Variants in SLC25A45 observed in about 807,000 individuals in gnomAD.
The protein encoded by SLC25A45 is solute carrier family 25 member 45, also known as methylated amino-acid transporter SLC25A45.
A neutral mutation model predicts 23.0 loss-of-function variants in SLC25A45; 22 were observed. The ratio of observed to expected loss-of-function variants is 0.95; its 90% CI spans 0.68 to 1.36. The LOEUF is 1.36. Among genes scored for constraint, SLC25A45 ranks in the 40% most tolerant of loss-of-function variants. The pLI, the probability that SLC25A45 is intolerant of heterozygous loss-of-function variation, is 0.00. For missense variants in SLC25A45, 355 were observed against 383.5 expected (o/e 0.93, Z 0.62); for synonymous variants, 136 against 155.0 (o/e 0.88, Z 0.91).
intron 5 of SLC25A45, chr11:65,377,458 C>A: frequency 9.9e-7 from 1 of 1,014,480 alleles, no homozygotes; most frequent in Non-Finnish European, 1.2e-6. Flanking sequence ...AAGGATTCAG[C>A]CTGTGACTGT....
upstream of SLC25A45, chr11:65,383,192 C>G (rs1412567156): frequency 7.2e-5 from 11 of 152,896 alleles, no homozygotes; most frequent in Admixed American, 7.2e-4. Context: ...AGCTCCTAGT[C>G]TCCCATGGGG....
chr11:65,379,373 C>CA lies in SLC25A45; in HGVS notation c.339+2dup. On this transcript the variant is annotated splice_region_variant and intron_variant, in intron 5 of 6. Transcript: ENST00000398802. ...TGTGTGTGCCCACTCACTGCCCCCT[C>CA]ACCTGCAGGAACCCCCCGGTGCAGC... 7 of 1,607,922 alleles carry CA rather than the reference C, an allele frequency of 4.4e-6. No individual in the cohort carries two copies. The highest frequency in any genetic ancestry group is 5.9e-6 in the Non-Finnish European group (7 of 1,179,848).
At chr11:65,377,139 T>A in intron 5 of SLC25A45, 63 bp from the exon 6 acceptor site, 1 of 1,548,532 alleles carries the variant, frequency 6.5e-7, no homozygotes. Context: ...GCCCCTTATA[T>A]TCACAAGAGG....
At chr11:65,380,284 C>T (rs1855480830) in intron 2 of SLC25A45, 109 bp from the exon 3 acceptor site, 1 of 1,505,592 alleles carries the variant, frequency 6.6e-7, no homozygotes, top group South Asian at 1.1e-5. Context: ...AGAGCAGGGC[C>T]ATCTCAGACA....
At chr11:65,383,574 A>G (rs940515256), upstream of SLC25A45, 1 of 152,342 alleles carries the variant, frequency 6.6e-6, no homozygotes, top group Non-Finnish European at 1.5e-5. Flanking sequence ...CCTGACCAAC[A>G]TAGTGAAACC....
rs766991047 is a variant in SLC25A45, at chr11:65,377,063, G to A, written c.353C>T (p.Ala118Val). ...TGGFLQAYCL[A>V]PFDLIKVRLQ... is the part of the protein sequence containing the mutation. ...CCGGACTTTGATGAGGTCAAAAGGA[G>A]CCAGACAGTAGGCCTGTTGGTGATG... The change falls in exon 6 of 7, where the codon GCT (alanine) becomes GTT (valine). Residue 118 changes from alanine to valine, a missense_variant. Transcript: ENST00000398802. 1 of 1,613,706 alleles carries A rather than the reference G, an allele frequency of 6.2e-7. No individual in the cohort carries two copies. Among genetic ancestry groups the A allele is most frequent in the South Asian group, 1.1e-5 (1 of 91,050 alleles).
chr11:65,382,077 G>C lies in SLC25A45; in HGVS notation c.-18-108C>G. The C allele has an allele frequency of 1.1e-6, 1 of 880,140 alleles. No individual in the cohort carries two copies. Among genetic ancestry groups the C allele is most frequent in the South Asian group, 1.4e-5 (1 of 71,436 alleles). The allele number at this position is 880,140 out of a possible 1,614,324, so 54.5% of individuals were successfully genotyped here. ...TAACCCTGGCGGGAAGGTGAGAATT[G>C]GCCTGGTGCCCAGACCTCCGGCAAC... is the stretch of plus-strand genomic sequence containing the variant. On this transcript the variant is annotated intron_variant, in intron 1 of 6. Transcript: ENST00000398802. This position sits in a 1 kb window ranked among gnomAD's most constrained non-coding sequence, Gnocchi z 4.4.
At position 65,375,257 on chromosome 11, in the gene SLC25A45, A is replaced by G. The variant is rs995396438; in HGVS notation, c.*1150T>C. ...ACCAGGCTCAGGCTGGAAACCATCC[A>G]AAGCGCAATCCCTGACCTCAGGCAG... On this transcript the variant is annotated 3_prime_UTR_variant, in exon 7 of 7. Coordinates refer to ENST00000398802, the MANE Select transcript of SLC25A45 (RefSeq NM_182556.4). 1.3e-5 allele frequency: 2 copies of G among 152,464 alleles called. No individual in the cohort carries two copies. Among genetic ancestry groups the G allele is most frequent in the East Asian group, 1.9e-4 (1 of 5,194 alleles). 9.4% of individuals were successfully genotyped at this position (152,464 alleles called of 1,614,324 possible).
At chr11:65,380,210 C>T (rs1301873626) in intron 2 of SLC25A45, 35 bp from the exon 3 acceptor site, 1 of 1,614,008 alleles carries the variant, frequency 6.2e-7, no homozygotes, top group Admixed American at 1.7e-5. Flanking sequence ...AGTGAGGGCC[C>T]TCGTGCCAGG....
chr11:65,380,445 A>G, intron 2 of SLC25A45: 4 of 1,110,146 alleles, frequency 3.6e-6, no homozygotes, highest in Non-Finnish European at 5.1e-6. Flanking sequence ...GAGCCAGCCA[A>G]AGACGTACGT....
In SLC25A45 at chr11:65,379,485, T is replaced by C. The variant is rs749936962; in HGVS notation, c.230A>G (p.Tyr77Cys). 3.6e-5 allele frequency: 58 copies of C among 1,614,004 alleles called. No individual in the cohort carries two copies. Among genetic ancestry groups the C allele is most frequent in the Non-Finnish European group, 4.8e-5 (57 of 1,179,994 alleles). The change falls in exon 5 of 7, where the codon TAT (tyrosine) becomes TGT (cysteine). Residue 77 changes from tyrosine (Y) to cysteine (C), a missense_variant. Transcript: ENST00000398802. Reference protein sequence around the residue: ...AVVNSVLFGVYSNTLLVLTAT... With the variant: ...AVVNSVLFGVCSNTLLVLTAT... ...CGTGAGCACCAGCAGGGTGTTGCTATAGACCCCAAACAGGACAGAGTTGAC... is the reference window on the plus strand; with the variant it reads ...CGTGAGCACCAGCAGGGTGTTGCTACAGACCCCAAACAGGACAGAGTTGAC...
chr11:65,380,262 G>T (rs1855479137), intron 2 of SLC25A45, 87 bp from the exon 3 acceptor site: 2 of 1,594,648 alleles, frequency 1.3e-6, no homozygotes, highest in East Asian at 2.2e-5. Context: ...AGGGGTTCAG[G>T]CAGGAGGAAG....
At position 65,376,922 on chromosome 11, in the gene SLC25A45, C is replaced by A. The variant is rs752698975; in HGVS notation, c.494G>T (p.Arg165Leu). 4 of 1,613,404 alleles carry A rather than the reference C, an allele frequency of 2.5e-6. No individual in the cohort carries two copies. The highest frequency in any genetic ancestry group is 1.1e-5 in the South Asian group (1 of 91,058). Residue 165 changes from arginine to leucine, a missense_variant, in exon 6 of 7, where the codon CGA becomes CTA. Arg to Leu is a moderately radical substitution (Grantham distance 102, BLOSUM62 -2). Coordinates refer to ENST00000398802, the MANE Select transcript of SLC25A45 (RefSeq NM_182556.4). The part of the protein sequence containing the change: ...FREEGPRGLF[R>L]GAWALTLRDT... ...CCTCAGCGTCAGGGCCCAGGCTCCT[C>A]GGAACAGCCCCCGGGGCCCCTCCTC...
At chr11:65,380,089 C>T (rs1213048817) in intron 3 of SLC25A45, 43 bp downstream of exon 3, 52 of 1,599,988 alleles carry the variant, frequency 3.3e-5, no homozygotes, top group Non-Finnish European at 4.4e-5. Flanking sequence ...ACATTTGGGT[C>T]AGGTGAGATC....
In SLC25A45 at chr11:65,379,442, C is replaced by G. The variant is rs778107518; in HGVS notation, c.273G>C (p.Glu91Asp). 3 of 1,613,864 alleles carry G rather than the reference C, an allele frequency of 1.9e-6. No individual in the cohort carries two copies. The highest frequency in any genetic ancestry group is 2.5e-6 in the Non-Finnish European group (3 of 1,180,018). ...LLVLTATSHQ[E>D]RRAQPPSYMH... ...TGTAGCTGGGCGGCTGGGCCCGCCG[C>G]TCCTGGTGGGAGGTGGCCGTGAGCA... is the stretch of plus-strand genomic sequence containing the variant. Residue 91 changes from glutamate to aspartate, a missense_variant, in exon 5 of 7, where the codon GAG (glutamate) becomes GAC (aspartate). Transcript: ENST00000398802.
intron 2 of SLC25A45, chr11:65,380,588 C>G: frequency 7.7e-7 from 1 of 1,296,470 alleles, no homozygotes; most frequent in South Asian, 1.2e-5. Context: ...CGCCGGGATC[C>G]AGAGCAGGCC....
intron 2 of SLC25A45, chr11:65,381,697 G>A (rs1855567707): frequency 3.6e-6 from 2 of 554,222 alleles, no homozygotes. Flanking sequence ...TGGGACTACA[G>A]GTGTGAGCCA....
At chr11:65,377,477 A>C in intron 5 of SLC25A45, 1 of 947,320 alleles carries the variant, frequency 1.1e-6, no homozygotes, top group Non-Finnish European at 1.3e-6. Context: ...GTGAAATAGC[A>C]AAGAAACCAC....
At position 65,379,488 on chromosome 11, in the gene SLC25A45, AC is replaced by A. The variant is rs1333835205; in HGVS notation, c.226del (p.Val76SerfsTer29). 2 of 1,614,078 alleles carry A rather than the reference AC, an allele frequency of 1.2e-6. No homozygotes were observed. Among genetic ancestry groups the A allele is most frequent in the Non-Finnish European group, 1.7e-6 (2 of 1,179,972 alleles). ...IAVVNSVLFG[V>X]YSNTLLVLTA... Reference sequence around the variant, plus strand: ...GAGCACCAGCAGGGTGTTGCTATAGACCCCAAACAGGACAGAGTTGACCACA... The same window carrying A: ...GAGCACCAGCAGGGTGTTGCTATAGACCCAAACAGGACAGAGTTGACCACA... On this transcript the variant is annotated frameshift_variant, in exon 5 of 7. Transcript: ENST00000398802. LOFTEE classifies it high-confidence loss of function.
Sources: gnomAD v4.1 joint callset for allele counts on GRCh38, gnomAD v4.1.1 for gene constraint, Gnocchi (gnomAD v3.1) non-coding constraint, MANE v1.5 for transcripts, NCBI Gene and HGNC (gene_info 2026-07-23, HGNC 2026-07-21) for gene names.